UNC79: variants seen among roughly 807,000 people sequenced by gnomAD.
UNC79 encodes unc-79 subunit of NALCN channel complex.
Under a neutral mutation model 283.1 loss-of-function variants are expected in UNC79, and 37 were observed. That is an observed-to-expected ratio of 0.13 (90% CI 0.10 to 0.17). UNC79 has a LOEUF of 0.17. Ranked by LOEUF, UNC79 falls within the 10% of genes least tolerant of loss-of-function variation. The pLI, the probability that UNC79 is intolerant of heterozygous loss-of-function variation, is 1.00. For synonymous variants in UNC79, 1,107 were observed against 1,200.2 expected, an observed-to-expected ratio of 0.92 and a Z score of 1.61; for missense variants, 2,272 against 3,211.1, an observed-to-expected ratio of 0.71 and a Z score of 7.07.
Position 93,529,273 on chromosome 14 carries a change from T to C in UNC79, c.1053-13T>C, listed in dbSNP as rs766831297. 1.2e-5 allele frequency: 19 copies of C among 1,612,674 alleles called. No individual in the cohort carries two copies. The highest frequency in any genetic ancestry group is 1.2e-4 in the Admixed American group (7 of 59,838). ...CAATGAAGCTCAAAAATGAATTTTG[T>C]TTTTTTCAATAGGGACCACAGTGAG... On this transcript the variant is annotated splice_polypyrimidine_tract_variant and intron_variant, in intron 9 of 48. Coordinates refer to ENST00000555664, the Ensembl canonical transcript of UNC79.
chr14:93,475,014 T>C (rs554028091), intron 3 of UNC79, among the ~76,000 whole-genome samples: 20 of 152,364 alleles, frequency 1.3e-4, no homozygotes, highest in African/African-American at 4.3e-4. Context: ...ATTTGCAGTA[T>C]GTATACAATA....
intron 4 of UNC79, among the ~76,000 whole-genome samples, chr14:93,486,667 A>AAAG (rs2058457165): frequency 6.6e-6 from 1 of 151,016 alleles, no homozygotes; most frequent in African/African-American, 2.4e-5. Context: ...GAAAAAAAAA[A>AAAG]AAAAAAAAAA....
chr14:93,362,876 TTTTC>T (rs1427333842), intron 1 of UNC79, among the ~76,000 whole-genome samples: 1 of 152,154 alleles, frequency 6.6e-6, no homozygotes, highest in Non-Finnish European at 1.5e-5. Context: ...TCTTCTGTTT[TTTTC>T]TTTATTTTTC....
intron 23 of UNC79, among the ~76,000 whole-genome samples, chr14:93,596,894 G>T (rs1230890805): frequency 1.3e-5 from 2 of 152,176 alleles, no homozygotes; most frequent in African/African-American, 4.8e-5. Flanking sequence ...TGTCTATTTG[G>T]TCTGCCATTT....
intron 14 of UNC79, among the ~76,000 whole-genome samples, chr14:93,567,606 G>C (rs1415754774): frequency 6.6e-6 from 1 of 152,186 alleles, no homozygotes; most frequent in Non-Finnish European, 1.5e-5. Flanking sequence ...TGGAGTCTCT[G>C]AGCCTACTCT....
chr14:93,518,660 T>C, intron 7 of UNC79, among the ~76,000 whole-genome samples: 1 of 151,962 alleles, frequency 6.6e-6, no homozygotes, highest in East Asian at 1.9e-4. Context: ...TAATATTTTC[T>C]CATATAATAA....
At chr14:93,613,184 G>A in intron 27 of UNC79, 101 bp downstream of exon 28, 1 of 1,476,526 alleles carries the variant, frequency 6.8e-7, no homozygotes, top group Non-Finnish European at 9.2e-7. Context: ...ATAAAGGTTT[G>A]TACAAATTGC....
intron 1 of UNC79, among the ~76,000 whole-genome samples, chr14:93,432,032 A>AT (rs1213546615): frequency 6.6e-6 from 1 of 152,194 alleles, no homozygotes; most frequent in Non-Finnish European, 1.5e-5. Context: ...ATTCACCTAG[A>AT]TTGACTCCTT....
intron 17 of UNC79, among the ~76,000 whole-genome samples, chr14:93,576,418 G>T (rs1039757247): frequency 6.6e-6 from 1 of 151,794 alleles, no homozygotes; most frequent in Non-Finnish European, 1.5e-5. Context: ...GTGTTCCCCC[G>T]ATTCTAAAAT....
At chr14:93,663,890 G>A (rs1166752334) in intron 40 of UNC79, among the ~76,000 whole-genome samples, 1 of 151,928 alleles carries the variant, frequency 6.6e-6, no homozygotes, top group Non-Finnish European at 1.5e-5. Flanking sequence ...TTTGGGGGAA[G>A]AATCATAATA....
At chr14:93,364,626 A>G (rs1477242577) in intron 1 of UNC79, among the ~76,000 whole-genome samples, 1 of 66,644 alleles carries the variant, frequency 1.5e-5, no homozygotes, top group South Asian at 4.4e-4. Flanking sequence ...TAAGGGAACT[A>G]TACTTAGCTA....
rs181621644 is a variant in UNC79 at position 93,693,250 on chromosome 14, C to G, written c.7471-1085C>G. Among the ~76,000 whole-genome samples the G allele has an allele frequency of 2.6e-3, 397 of 152,282 alleles. 3 individuals carry two copies. The highest frequency in any genetic ancestry group is 9.2e-3 in the African/African-American group (383 of 41,558). On this transcript the variant is annotated intron_variant, in intron 46 of 48. Coordinates refer to ENST00000555664, the Ensembl canonical transcript of UNC79. Reference sequence around the variant, plus strand: ...GAAAATAATTACATTTATTGGATCACAGATTCTAGGACTAATGAAGAATTT... The same window carrying G: ...GAAAATAATTACATTTATTGGATCAGAGATTCTAGGACTAATGAAGAATTT...
intron 7 of UNC79, among the ~76,000 whole-genome samples, chr14:93,516,558 T>C (rs2060073773): frequency 6.6e-6 from 1 of 151,144 alleles, no homozygotes; most frequent in Non-Finnish European, 1.5e-5. Context: ...GTGATTCTCC[T>C]GCCTCAGCCT....
chr14:93,646,491 A>G, intron 34 of UNC79, 117 bp from the exon 38 acceptor site: 4 of 985,744 alleles, frequency 4.1e-6, no homozygotes, highest in Non-Finnish European at 6.2e-6. Flanking sequence ...GGAATTGTCA[A>G]CATTATACAT....
rs763123090 is a variant in UNC79 at position 93,347,365 on chromosome 14, C to A, written c.-351+13842C>A. On this transcript the variant is annotated intron_variant, in intron 1 of 49. Coordinates refer to the UNC79 transcript ENST00000256339. ...CGCTCCCCGCTTCGCCCACTCGGGG[C>A]CCCCGCGCCAGCGGCCCCTGTCTGC... The A allele has an allele frequency of 9.6e-6, 15 of 1,570,246 alleles. No individual in the cohort carries two copies. The highest frequency in any genetic ancestry group is 7.2e-5 in the Admixed American group (4 of 55,308).
At chr14:93,646,639 G>T (rs774965366) in exon 35 of UNC79, 2 of 1,613,558 alleles carry the variant, frequency 1.2e-6, no homozygotes, top group South Asian at 2.2e-5. Flanking sequence ...TTCTAATCAA[G>T]CAGAAAGGTA....
chr14:93,347,392 G>A (rs2053875467), intron 1 of UNC79: 3 of 1,525,964 alleles, frequency 2.0e-6, no homozygotes, highest in Non-Finnish European at 2.6e-6. Flanking sequence ...CCTGTCTGCC[G>A]CGGTGAGTTG....
intron 27 of UNC79, among the ~76,000 whole-genome samples, chr14:93,613,292 G>C (rs983988707): frequency 2.0e-5 from 3 of 151,780 alleles, no homozygotes; most frequent in Non-Finnish European, 4.4e-5. Context: ...CAGAGAGAGA[G>C]ACTGCATGCG....
chr14:93,513,965 A>C (rs1330820061), intron 7 of UNC79, among the ~76,000 whole-genome samples: 1 of 152,248 alleles, frequency 6.6e-6, no homozygotes. Context: ...GGATATTTAC[A>C]GCACTGAAGA....
Sources: gnomAD v4.1 joint callset for allele counts (sites outside exome capture counted in the v4.1 genomes callset) on GRCh38, gnomAD v4.1.1 for gene constraint, MANE v1.5 for transcripts, NCBI Gene and HGNC (gene_info 2026-07-23, HGNC 2026-07-21) for gene names.